Variants in DSCAML1 observed in about 807,000 individuals in gnomAD.
The protein encoded by DSCAML1 is DS cell adhesion molecule like 1, also known as cell adhesion molecule DSCAML1.
A neutral mutation model predicts 200.5 loss-of-function variants in DSCAML1; 38 were observed. That is an observed-to-expected ratio of 0.19 (90% CI 0.15 to 0.25). DSCAML1 has a LOEUF of 0.25. DSCAML1 is among the 10% of genes least tolerant of loss of function. The pLI is 1.00. For missense variants in DSCAML1, 2,223 were observed against 2,858.8 expected (o/e 0.78, Z 5.07); for synonymous variants, 1,215 against 1,165.0 (o/e 1.04, Z -0.87).
intron 24 of DSCAML1, 57 bp from the exon 25 acceptor site, chr11:117,438,140 C>T: frequency 6.6e-7 from 1 of 1,525,680 alleles, no homozygotes; most frequent in Admixed American, 1.9e-5. Flanking sequence ...CAGCAGAAGC[C>T]CAGCCTCAGG....
intron 3 of DSCAML1, among the ~76,000 whole-genome samples, chr11:117,582,849 G>A (rs1334766601): frequency 6.6e-6 from 1 of 152,226 alleles, no homozygotes; most frequent in Non-Finnish European, 1.5e-5. Context: ...CAAGAAGCCT[G>A]AGTGGGAGAA....
chr11:117,571,337 G>A (rs2050844843), intron 3 of DSCAML1, among the ~76,000 whole-genome samples: 1 of 152,188 alleles, frequency 6.6e-6, no homozygotes, highest in Admixed American at 6.5e-5. Context: ...AGGTATTACT[G>A]TGCCCATTTC....
intron 3 of DSCAML1, among the ~76,000 whole-genome samples, chr11:117,566,721 C>G (rs1322135478): frequency 1.4e-5 from 2 of 143,298 alleles, no homozygotes; most frequent in African/African-American, 5.1e-5. Context: ...AATGCTATCC[C>G]TCCCCACTCC....
intron 3 of DSCAML1, among the ~76,000 whole-genome samples, chr11:117,757,995 G>A (rs11216532): frequency 0.095 from 8,131 of 85,576 alleles, 272 homozygotes; most frequent in Non-Finnish European, 0.13. Context: ...ACCTCAAAAA[G>A]CAAAAACAAA....
At chr11:117,440,904 G>A (rs1239476552) in intron 21 of DSCAML1, among the ~76,000 whole-genome samples, 1 of 113,956 alleles carries the variant, frequency 8.8e-6, no homozygotes, top group Non-Finnish European at 1.6e-5. Flanking sequence ...CTGGGTGACA[G>A]AGCAAGACTC....
In DSCAML1 at chr11:117,677,324, T is replaced by C. The variant is rs138466017; in HGVS notation, c.511+99467A>G. On this transcript the variant is annotated intron_variant, in intron 3 of 32. Transcript: ENST00000651296. ...GCCCCTGAGCCCATCACAGCTCCAG[T>C]CTGGGTAAAATAAATAGAATGGGCA... is the stretch of plus-strand genomic sequence containing the variant. Among the ~76,000 whole-genome samples the C allele has an allele frequency of 3.3e-5, 5 of 152,136 alleles. No homozygotes were observed. The East Asian group carries it at 9.7e-4, about 29-fold the overall frequency.
chr11:117,643,066 G>C (rs2052444420), intron 3 of DSCAML1, among the ~76,000 whole-genome samples: 1 of 152,146 alleles, frequency 6.6e-6, no homozygotes, highest in African/African-American at 2.4e-5. Flanking sequence ...CTAGTTCTGA[G>C]TCTGAATTTA....
chr11:117,723,775 G>A lies in DSCAML1; in HGVS notation c.511+53016C>T, dbSNP rs187322223. On this transcript the variant is annotated intron_variant, in intron 3 of 32. Transcript: ENST00000651296. ...TTCTGTGCAGTTCCCCAGAGAGATC[G>A]CTGGTGATTTAGCAACCTCATCTGC... Among the ~76,000 whole-genome samples the A allele has an allele frequency of 9.3e-4, 141 of 152,262 alleles. No homozygotes were observed. The South Asian group carries it at 0.027, about 29-fold the overall frequency.
chr11:117,444,885 T>C (rs1440503433), intron 20 of DSCAML1, among the ~76,000 whole-genome samples: 1 of 152,126 alleles, frequency 6.6e-6, no homozygotes, highest in Non-Finnish European at 1.5e-5. Flanking sequence ...ACTTTCATTT[T>C]ATTTTATTTT....
intron 8 of DSCAML1, among the ~76,000 whole-genome samples, chr11:117,511,069 C>T (rs148998654): frequency 3.2e-4 from 49 of 152,306 alleles, no homozygotes; most frequent in African/African-American, 7.9e-4. Flanking sequence ...CCAACCTACT[C>T]GTTAGGGTGG....
At chr11:117,776,042 G>A (rs1250495248) in intron 3 of DSCAML1, among the ~76,000 whole-genome samples, 3 of 152,136 alleles carry the variant, frequency 2.0e-5, no homozygotes, top group Non-Finnish European at 4.4e-5. Flanking sequence ...AATGGGTGGT[G>A]GAAAAATCCC....
At position 117,450,582 on chromosome 11, in the gene DSCAML1, G is replaced by A; in HGVS notation, c.3675C>T (p.Thr1225=). 1 of 1,614,188 alleles carries A rather than the reference G, an allele frequency of 6.2e-7. No homozygotes were observed. The highest frequency in any genetic ancestry group is 8.5e-7 in the Non-Finnish European group (1 of 1,180,040). The change falls in exon 20 of 33, where the codon ACC becomes ACT. Residue 1225 remains threonine (T), a synonymous_variant. Transcript: ENST00000651296. ...TKPNGVIRKY[T]IFCSSPGSGQ... is the part of the protein sequence containing the mutation. Reference sequence around the variant, plus strand: ...CAGACCCGGGGCTGGAACAGAAGATGGTGTACTTGCGGATCACCCCGTTGG... The same window carrying A: ...CAGACCCGGGGCTGGAACAGAAGATAGTGTACTTGCGGATCACCCCGTTGG...
At chr11:117,659,891 T>G (rs1236365830) in intron 3 of DSCAML1, among the ~76,000 whole-genome samples, 3 of 152,062 alleles carry the variant, frequency 2.0e-5, no homozygotes, top group African/African-American at 7.2e-5. Context: ...GCTAAATTTT[T>G]TTTTGTATTT....
Position 117,505,137 on chromosome 11 carries a change from C to G in DSCAML1, c.2063-94G>C. ...ACCTTCTGTTTGAGGTCAGCCCTGCCCGGGCCATTATAAAGTTGGAAGCGG... is the reference window on the plus strand; with the variant it reads ...ACCTTCTGTTTGAGGTCAGCCCTGCGCGGGCCATTATAAAGTTGGAAGCGG... On this transcript the variant is annotated intron_variant, in intron 9 of 32. Transcript: ENST00000651296. The surrounding 1 kb of genome is among the most constrained non-coding windows in gnomAD (Gnocchi z 6.7). The G allele has an allele frequency of 6.6e-7, 1 of 1,514,772 alleles. No individual in the cohort carries two copies. The highest frequency in any genetic ancestry group is 8.9e-7 in the Non-Finnish European group (1 of 1,125,412). 93.8% of individuals were successfully genotyped at this position (1,514,772 alleles called of 1,614,324 possible). A position where few individuals can be genotyped will look rare whatever the true frequency, so the allele number is the denominator to read the frequency against.
At chr11:117,726,181 AGT>A (rs2054125858) in intron 3 of DSCAML1, among the ~76,000 whole-genome samples, 1 of 152,110 alleles carries the variant, frequency 6.6e-6, no homozygotes, top group Admixed American at 6.6e-5. Flanking sequence ...TTTGAGCCTC[AGT>A]TTCCTCATCT....
intron 3 of DSCAML1, among the ~76,000 whole-genome samples, chr11:117,691,019 T>C (rs2053484595): frequency 6.6e-6 from 1 of 152,150 alleles, no homozygotes; most frequent in Admixed American, 6.5e-5. Context: ...CCTTCGAGAT[T>C]ACAAAGGACA....
intron 6 of DSCAML1, among the ~76,000 whole-genome samples, chr11:117,520,697 C>T (rs1048515592): frequency 6.6e-6 from 1 of 150,542 alleles, no homozygotes; most frequent in Non-Finnish European, 1.5e-5. Flanking sequence ...CCAGCCTGAG[C>T]AACATAGTGA....
intron 1 of DSCAML1, among the ~76,000 whole-genome samples, chr11:117,783,461 A>C (rs2155387): frequency 0.65 from 98,204 of 152,002 alleles, 31,797 homozygotes; most frequent in Middle Eastern, 0.69. Context: ...CAATAGCCAG[A>C]ACTCCAGCAA....
chr11:117,656,007 C>T (rs112455566), intron 3 of DSCAML1, among the ~76,000 whole-genome samples: 2,146 of 152,248 alleles, frequency 0.014, 63 homozygotes, highest in African/African-American at 0.049. Flanking sequence ...TTTGGGAGGC[C>T]GAGGCGGGCA....
Sources: gnomAD v4.1 joint callset for allele counts (sites outside exome capture counted in the v4.1 genomes callset) on GRCh38, gnomAD v4.1.1 for gene constraint, Gnocchi (gnomAD v3.1) non-coding constraint, MANE v1.5 for transcripts, NCBI Gene and HGNC (gene_info 2026-07-23, HGNC 2026-07-21) for gene names.